ZFAT: variants seen among roughly 807,000 people sequenced by gnomAD.
ZFAT encodes zinc finger and AT-hook domain containing, also known as zinc finger protein ZFAT.
A neutral mutation model predicts 117.7 loss-of-function variants in ZFAT; 64 were observed. That is an observed-to-expected ratio of 0.54 (90% CI 0.44 to 0.67). ZFAT has a LOEUF of 0.67. Ranked by LOEUF, ZFAT falls within the 30% of genes least tolerant of loss-of-function variation. The pLI, the probability that ZFAT is intolerant of heterozygous loss-of-function variation, is 0.00. For synonymous variants in ZFAT, 679 were observed against 615.0 expected (o/e 1.10, Z -1.54); for missense variants, 1,433 against 1,584.5 (o/e 0.90, Z 1.62).
chr8:134,580,383 A>G (rs1825635555), intron 10 of ZFAT, among the ~76,000 whole-genome samples: 1 of 152,210 alleles, frequency 6.6e-6, no homozygotes, highest in African/African-American at 2.4e-5. Context: ...AGCTAATTCT[A>G]TGGTTAAAGG....
intron 11 of ZFAT, among the ~76,000 whole-genome samples, chr8:134,538,103 G>A (rs1396131447): frequency 6.6e-6 from 1 of 152,182 alleles, no homozygotes; most frequent in Non-Finnish European, 1.5e-5. Flanking sequence ...TGTGGCCATG[G>A]AAAGAGTATA....
chr8:134,761,308 G>C, the ZFAT span, among the ~76,000 whole-genome samples: 1 of 152,094 alleles, frequency 6.6e-6, no homozygotes, highest in Non-Finnish European at 1.5e-5. Context: ...GACAGAGCAA[G>C]CATTTGTGAT....
intron 1 of ZFAT, among the ~76,000 whole-genome samples, chr8:134,684,132 G>A (rs1833203023): frequency 6.6e-6 from 1 of 152,112 alleles, no homozygotes; most frequent in Admixed American, 6.5e-5. Context: ...CCACGAGAAA[G>A]AGAGAGTACA....
chr8:134,786,952 G>A, the ZFAT span, among the ~76,000 whole-genome samples: 1 of 151,098 alleles, frequency 6.6e-6, no homozygotes, highest in Non-Finnish European at 1.5e-5. Flanking sequence ...GGGCTCAGAT[G>A]ATCCTCCTGC....
intron 11 of ZFAT, among the ~76,000 whole-genome samples, chr8:134,543,538 C>G (rs1191042039): frequency 6.6e-6 from 1 of 152,248 alleles, no homozygotes; most frequent in Non-Finnish European, 1.5e-5. Context: ...TGCCCCTTAG[C>G]GGATCTTGCA....
At chr8:134,827,355 C>T in the ZFAT span, among the ~76,000 whole-genome samples, 1 of 152,196 alleles carries the variant, frequency 6.6e-6, no homozygotes, top group Admixed American at 6.5e-5. Flanking sequence ...TGAACTCAGC[C>T]TTTCTTATTT....
intron 1 of ZFAT, among the ~76,000 whole-genome samples, chr8:134,686,990 A>T (rs1833354346): frequency 6.6e-6 from 1 of 152,164 alleles, no homozygotes; most frequent in African/African-American, 2.4e-5. Context: ...GTGCAGAGAG[A>T]CAGAGACAGC....
intron 1 of ZFAT, among the ~76,000 whole-genome samples, chr8:134,661,142 G>A (rs368602643): frequency 2.0e-5 from 3 of 152,356 alleles, no homozygotes; most frequent in South Asian, 2.1e-4. Context: ...CTTCTCAGCC[G>A]AGAGACAACC....
chr8:134,512,719 C>G, intron 13 of ZFAT, 118 bp from the exon 14 acceptor site: 1 of 1,296,420 alleles, frequency 7.7e-7, no homozygotes, highest in Non-Finnish European at 1.0e-6. Context: ...ATTGCAACAT[C>G]TCATTTACCT....
the ZFAT span, among the ~76,000 whole-genome samples, chr8:134,800,778 G>C: frequency 6.6e-6 from 1 of 152,036 alleles, no homozygotes; most frequent in African/African-American, 2.4e-5. Flanking sequence ...TTGGGTGTTT[G>C]TTTTTTTGGA....
chr8:134,744,750 G>A, the ZFAT span, among the ~76,000 whole-genome samples: 18 of 51,520 alleles, frequency 3.5e-4, no homozygotes, highest in African/African-American at 1.4e-3. Flanking sequence ...TTTTTTTTGA[G>A]ACGGAGGCTT....
At position 134,509,767 on chromosome 8, in the gene ZFAT, A is replaced by G; in HGVS notation, c.3362-18T>C. 6.3e-7 allele frequency: 1 copy of G among 1,585,740 alleles called. No individual in the cohort carries two copies. Among genetic ancestry groups the G allele is most frequent in the Non-Finnish European group, 8.6e-7 (1 of 1,168,706 alleles). Reference sequence around the variant, plus strand: ...TCGGTCGCCTTAAGAGGAAGAAGCAAAGAGGACACCATTCAGGCCACTGGT... The same window carrying G: ...TCGGTCGCCTTAAGAGGAAGAAGCAGAGAGGACACCATTCAGGCCACTGGT... On this transcript the variant is annotated intron_variant, in intron 14 of 15. Transcript: ENST00000377838.
chr8:134,804,632 C>T, the ZFAT span, among the ~76,000 whole-genome samples: 1 of 152,116 alleles, frequency 6.6e-6, no homozygotes, highest in African/African-American at 2.4e-5. Flanking sequence ...CAGGAATAGG[C>T]GGTGACACTT....
chr8:134,482,364 T>G (rs1364512074), intron 15 of ZFAT, among the ~76,000 whole-genome samples: 1 of 152,154 alleles, frequency 6.6e-6, no homozygotes, highest in African/African-American at 2.4e-5. Flanking sequence ...GAAACGAAGT[T>G]CGCAGGCGGA....
At chr8:134,598,429 AAG>A (rs1827129716) in intron 7 of ZFAT, 1 of 152,242 alleles carries the variant, frequency 6.6e-6, no homozygotes, top group South Asian at 2.1e-4. Flanking sequence ...GAAAGTTGAA[AAG>A]AGAAACCTCT....
chr8:134,579,970 A>C (rs1379633464), intron 10 of ZFAT, among the ~76,000 whole-genome samples: 1 of 151,512 alleles, frequency 6.6e-6, no homozygotes, highest in Non-Finnish European at 1.5e-5. Flanking sequence ...AAAAAAAAAA[A>C]AAAGAACAAT....
chr8:134,600,330 G>C (rs1827313419), intron 7 of ZFAT, 106 bp downstream of exon 7: 2 of 1,043,924 alleles, frequency 1.9e-6, no homozygotes, highest in East Asian at 4.7e-5. Context: ...ATCTCTCTAT[G>C]TTTTCAGGGC....
In ZFAT at chr8:134,480,376, A is replaced by G. The variant is rs539902335; in HGVS notation, c.3493-1655T>C. The stretch of plus-strand genomic sequence containing the variant: ...ATCTTACCAGCTACCAGTAGACTGC[A>G]AGCTCCACAAGGGCAGGACCATGTC... On this transcript the variant is annotated intron_variant, in intron 15 of 15. Coordinates refer to ENST00000377838, the MANE Select transcript of ZFAT (RefSeq NM_020863.4). Among the ~76,000 whole-genome samples, 3 of 152,346 alleles carry G rather than the reference A, an allele frequency of 2.0e-5. No homozygotes were observed. In the South Asian group the frequency reaches 6.2e-4, roughly 32 times the overall value.
intron 10 of ZFAT, among the ~76,000 whole-genome samples, chr8:134,567,407 A>G (rs1824544378): frequency 6.6e-6 from 1 of 152,108 alleles, no homozygotes; most frequent in African/African-American, 2.4e-5. Flanking sequence ...GACAACAGCA[A>G]AAGCCCCTAA....
Sources: allele counts gnomAD v4.1 joint callset (sites outside exome capture counted in the v4.1 genomes callset), GRCh38; gene constraint gnomAD v4.1.1; transcripts MANE v1.5; gene names NCBI Gene and HGNC (gene_info 2026-07-23, HGNC 2026-07-21).